The following ANXA8 variants were observed in gnomAD, a reference collection of about 807,000 sequenced individuals.
ANXA8 encodes the protein annexin A8, also known as VAC-beta.
A neutral mutation model predicts 26.8 loss-of-function variants in ANXA8; 9 were observed. That is an observed-to-expected ratio of 0.34 (90% CI 0.20 to 0.59). The LOEUF (loss-of-function observed/expected upper bound fraction) is 0.59. Ranked by LOEUF, ANXA8 falls within the 20% of genes least tolerant of loss-of-function variation. The probability of loss-of-function intolerance (pLI) is 0.84; values close to 1 mark genes in which losing one functional copy is unlikely to be tolerated. For missense variants in ANXA8, 83 were observed against 238.5 expected, an observed-to-expected ratio of 0.35 and a Z score of 4.29; for synonymous variants, 39 against 94.8, an observed-to-expected ratio of 0.41 and a Z score of 3.42.
the ANXA8 span, among the ~76,000 whole-genome samples, chr10:47,975,699 T>C: frequency 6.6e-6 from 1 of 151,092 alleles, no homozygotes; most frequent in Non-Finnish European, 1.5e-5. Flanking sequence ...AAGCATTAGA[T>C]GCTCACCTTG....
At chr10:47,720,914 T>G in the ANXA8 span, among the ~76,000 whole-genome samples, 1 of 135,824 alleles carries the variant, frequency 7.4e-6, no homozygotes, top group Admixed American at 7.6e-5. Flanking sequence ...TGGGAGGCCG[T>G]GGTGGGGGGA....
chr10:47,683,094 C>A, the ANXA8 span, among the ~76,000 whole-genome samples: 1 of 151,974 alleles, frequency 6.6e-6, no homozygotes, highest in Admixed American at 6.6e-5. Context: ...ACTAAATGAG[C>A]GATAGCTTTA....
At chr10:47,689,319 C>G in the ANXA8 span, among the ~76,000 whole-genome samples, 1 of 151,634 alleles carries the variant, frequency 6.6e-6, no homozygotes, top group Non-Finnish European at 1.5e-5. Context: ...GCTGGGACTA[C>G]AGGCATGTGC....
chr10:47,495,030 A>G, the ANXA8 span, among the ~76,000 whole-genome samples: 4,611 of 132,368 alleles, frequency 0.035, 175 homozygotes, highest in African/African-American at 0.12. Context: ...TGCCAAACCA[A>G]CAAGGAAGAA....
chr10:47,497,250 G>GT, the ANXA8 span, among the ~76,000 whole-genome samples: 1 of 137,728 alleles, frequency 7.3e-6, no homozygotes, highest in South Asian at 2.4e-4. Flanking sequence ...AACCCGGGAG[G>GT]AGAGGCTGCA....
In ANXA8 at chr10:47,482,131, T is replaced by C. The variant is rs1439680025; in HGVS notation, c.21+1782A>G. ...CCCTCATCTCCTCCCATCGCGTTCCTGGCCCAGCTTTGTGCCTAGAGGACA... is the reference window on the plus strand; with the variant it reads ...CCCTCATCTCCTCCCATCGCGTTCCCGGCCCAGCTTTGTGCCTAGAGGACA... On this transcript the variant is annotated intron_variant, in intron 1 of 11. Transcript: ENST00000585281. Among the ~76,000 whole-genome samples the C allele has an allele frequency of 1.5e-4, 21 of 137,324 alleles. 7 individuals carry two copies. In the East Asian group the frequency reaches 6.0e-3, roughly 39 times the overall value. 90.1% of individuals were successfully genotyped at this position (137,324 alleles called of 152,430 possible).
At chr10:47,526,048 A>G in the ANXA8 span, among the ~76,000 whole-genome samples, 1 of 137,582 alleles carries the variant, frequency 7.3e-6, no homozygotes, top group Non-Finnish European at 1.6e-5. Context: ...CTAGGACTAC[A>G]GGAATGAGCC....
chr10:47,526,077 C>T, the ANXA8 span, among the ~76,000 whole-genome samples: 326 of 134,754 alleles, frequency 2.4e-3, 49 homozygotes, highest in Non-Finnish European at 4.4e-3. Flanking sequence ...CAGCCAGATT[C>T]GTATATTTTT....
chr10:47,688,385 G>T, the ANXA8 span, among the ~76,000 whole-genome samples: 2 of 149,418 alleles, frequency 1.3e-5, no homozygotes, highest in Non-Finnish European at 3.0e-5. Flanking sequence ...AAAGTGCTGG[G>T]ATTACCGGTG....
chr10:47,975,129 G>A, the ANXA8 span, among the ~76,000 whole-genome samples: 1 of 148,802 alleles, frequency 6.7e-6, no homozygotes, highest in Non-Finnish European at 1.5e-5. Context: ...TTGTTCCATA[G>A]TTCAGCCTCA....
chr10:47,687,392 G>A, the ANXA8 span, among the ~76,000 whole-genome samples: 6 of 151,574 alleles, frequency 4.0e-5, no homozygotes, highest in African/African-American at 1.5e-4. Context: ...AGCCTCCCTA[G>A]TAGCTGAGAC....
chr10:47,699,616 C>T, the ANXA8 span, among the ~76,000 whole-genome samples: 1 of 150,644 alleles, frequency 6.6e-6, no homozygotes, highest in Admixed American at 6.6e-5. Flanking sequence ...AGCTTGAGCC[C>T]AGGAATTCAA....
At chr10:47,704,322 G>A in the ANXA8 span, among the ~76,000 whole-genome samples, 58 of 142,612 alleles carry the variant, frequency 4.1e-4, no homozygotes, top group Non-Finnish European at 7.2e-4. Flanking sequence ...AGCTGTATAC[G>A]ATCATCTCAA....
At chr10:47,733,295 C>CTTTCTTTCT in the ANXA8 span, among the ~76,000 whole-genome samples, 1 of 56,252 alleles carries the variant, frequency 1.8e-5, no homozygotes, top group Non-Finnish European at 3.4e-5. Flanking sequence ...TTCTTTCTTT[C>CTTTCTTTCT]TTTTTTTTCT....
At chr10:47,478,468 C>A (rs1839684547) in intron 3 of ANXA8, 65 bp downstream of exon 3, 1 of 1,390,300 alleles carries the variant, frequency 7.2e-7, no homozygotes, top group Non-Finnish European at 9.9e-7. Context: ...AATGGAGCTG[C>A]CTCCCAGGCT....
At chr10:47,733,300 T>TC in the ANXA8 span, among the ~76,000 whole-genome samples, 10 of 126,504 alleles carry the variant, frequency 7.9e-5, no homozygotes, top group African/African-American at 3.3e-4. Context: ...TCTTTCTTTT[T>TC]TTTCTTTCTC....
the ANXA8 span, among the ~76,000 whole-genome samples, chr10:47,940,254 T>C: frequency 2.7e-5 from 4 of 146,534 alleles, no homozygotes; most frequent in Non-Finnish European, 4.4e-5. Flanking sequence ...TAGGTTGTTA[T>C]CTCCTGGGCA....
the ANXA8 span, among the ~76,000 whole-genome samples, chr10:47,715,447 GA>G: frequency 1.5e-4 from 16 of 105,128 alleles, no homozygotes; most frequent in African/African-American, 2.7e-4. Flanking sequence ...CTCTGTCTTG[GA>G]AAAAAAAAAT....
chr10:47,603,575 G>T, the ANXA8 span, among the ~76,000 whole-genome samples: 3 of 146,820 alleles, frequency 2.0e-5, no homozygotes, highest in Non-Finnish European at 4.4e-5. Flanking sequence ...ACAGTGGCAC[G>T]GTCTCAGCTC....
Sources: gnomAD v4.1 joint callset for allele counts (sites outside exome capture counted in the v4.1 genomes callset) on GRCh38, gnomAD v4.1.1 for gene constraint, MANE v1.5 for transcripts, NCBI Gene and HGNC (gene_info 2026-07-23, HGNC 2026-07-21) for gene names.